Variants in SHROOM3 observed in about 807,000 individuals in gnomAD.
SHROOM3 encodes the protein protein Shroom3.
A neutral mutation model predicts 138.6 loss-of-function variants in SHROOM3; 47 were observed. That is an observed-to-expected ratio of 0.34 (90% CI 0.27 to 0.43). SHROOM3 has a LOEUF of 0.43. SHROOM3 is among the 20% of genes least tolerant of loss of function. SHROOM3 has a pLI of 1.00. For missense variants in SHROOM3, 2,491 were observed against 2,596.5 expected (o/e 0.96, Z 0.88); for synonymous variants, 1,062 against 1,063.3 (o/e 1.00, Z 0.02).
intron 2 of SHROOM3, among the ~76,000 whole-genome samples, chr4:76,702,463 C>G (rs1020953905): frequency 1.3e-5 from 2 of 152,146 alleles, no homozygotes; most frequent in African/African-American, 4.8e-5. Flanking sequence ...TTAATTCATT[C>G]AAGCCTCACA....
Position 76,555,714 on chromosome 4 carries a change from G to A in SHROOM3, c.274G>A (p.Val92Ile). The A allele has an allele frequency of 1.2e-6, 2 of 1,614,058 alleles. No homozygotes were observed. The highest frequency in any genetic ancestry group is 2.2e-5 in the South Asian group (2 of 91,090). Residue 92 changes from valine (V) to isoleucine (I), a missense_variant, in exon 2 of 11, where the codon GTT becomes ATT. Physicochemically the swap from Val to Ile is conservative, Grantham distance 29 (BLOSUM62 3). Coordinates refer to ENST00000296043, the MANE Select transcript of SHROOM3 (RefSeq NM_020859.4). ...TCTGAGCAGCTCCAGAAAGGAGGCA[G>A]TTTCCCTGGTGAAAGGATCCTACAA... Reference protein sequence around the residue: ...VTLSSSRKEAVSLVKGSYKTL... With the variant: ...VTLSSSRKEAISLVKGSYKTL...
intron 2 of SHROOM3, among the ~76,000 whole-genome samples, chr4:76,635,879 T>A (rs548513763): frequency 2.6e-5 from 4 of 152,308 alleles, no homozygotes; most frequent in African/African-American, 9.6e-5. Flanking sequence ...TGCTGTCAGA[T>A]CAATCCTAGG....
At position 76,455,816 on chromosome 4, in the gene SHROOM3, T is replaced by C. The variant is rs115264114; in HGVS notation, c.168+19596T>C. Among the ~76,000 whole-genome samples the C allele has an allele frequency of 3.6e-3, 555 of 152,284 alleles. 2 individuals carry two copies. The highest frequency in any genetic ancestry group is 0.013 in the African/African-American group (538 of 41,562). On this transcript the variant is annotated intron_variant, in intron 1 of 10. Transcript: ENST00000296043. ...GAATAAAAATTGGTTGAGTCTTTTTTGGAAGGCACCAAGTATTAACTCTTG... is the reference window on the plus strand; with the variant it reads ...GAATAAAAATTGGTTGAGTCTTTTTCGGAAGGCACCAAGTATTAACTCTTG...
chr4:76,742,114 A>C, intron 5 of SHROOM3, 188 bp downstream of exon 5: 1 of 750,408 alleles, frequency 1.3e-6, no homozygotes, highest in Non-Finnish European at 2.3e-6. Context: ...CCTTATAAAG[A>C]TATAGGTATC....
chr4:76,467,184 AG>A (rs1731266857), intron 1 of SHROOM3, among the ~76,000 whole-genome samples: 1 of 151,888 alleles, frequency 6.6e-6, no homozygotes, highest in South Asian at 2.1e-4. Flanking sequence ...CTGGGATTTC[AG>A]GTACATGTTA....
At chr4:76,721,615 A>G (rs1720555230) in intron 3 of SHROOM3, among the ~76,000 whole-genome samples, 1 of 152,216 alleles carries the variant, frequency 6.6e-6, no homozygotes, top group African/African-American at 2.4e-5. Flanking sequence ...AGCTCAAGCA[A>G]TTCTACCACC....
intron 1 of SHROOM3, among the ~76,000 whole-genome samples, chr4:76,502,204 C>T (rs906060355): frequency 1.3e-5 from 2 of 152,210 alleles, no homozygotes; most frequent in Non-Finnish European, 2.9e-5. Flanking sequence ...GCAGCCCCTA[C>T]ACCGTGGGCT....
intron 3 of SHROOM3, among the ~76,000 whole-genome samples, chr4:76,721,228 G>A (rs1278770259): frequency 6.6e-6 from 1 of 150,870 alleles, no homozygotes; most frequent in Non-Finnish European, 1.5e-5. Context: ...GGAGAATGGC[G>A]TGAACCCGGG....
intron 1 of SHROOM3, among the ~76,000 whole-genome samples, chr4:76,553,651 C>A (rs556024543): frequency 3.8e-4 from 58 of 152,140 alleles, no homozygotes; most frequent in African/African-American, 1.4e-3. Context: ...CCACCACACC[C>A]GTCTAATTTT....
At chr4:76,463,907 T>C (rs570894806) in intron 1 of SHROOM3, among the ~76,000 whole-genome samples, 1 of 152,262 alleles carries the variant, frequency 6.6e-6, no homozygotes, top group African/African-American at 2.4e-5. Context: ...TGGAAATTCC[T>C]GGATGTCCAG....
intron 1 of SHROOM3, among the ~76,000 whole-genome samples, chr4:76,521,191 G>T (rs1470060148): frequency 6.6e-6 from 1 of 152,084 alleles, no homozygotes; most frequent in African/African-American, 2.4e-5. Flanking sequence ...AAACACTGAC[G>T]TGATTAAATA....
chr4:76,532,834 A>G (rs957880755), intron 1 of SHROOM3, among the ~76,000 whole-genome samples: 3 of 152,034 alleles, frequency 2.0e-5, no homozygotes, highest in Admixed American at 6.6e-5. Context: ...TGAGAGCATC[A>G]CCAATGCTCT....
chr4:76,741,715 G>T lies in SHROOM3; in HGVS notation c.3542G>T (p.Gly1181Val). ...TCCTTCGCCGGTGGCCGCCGCCTCG[G>T]GGAACGGCGACGCGGGGACCTGCTT... The part of the protein sequence containing the change: ...SSSFAGGRRL[G>V]ERRRGDLLSG... Residue 1181 changes from glycine (G) to valine (V), a missense_variant, in exon 5 of 11, where the codon GGG becomes GTG. Transcript: ENST00000296043. This position sits in a 1 kb window ranked among gnomAD's most constrained non-coding sequence, Gnocchi z 6.2. 6.4e-7 allele frequency: 1 copy of T among 1,554,624 alleles called. No homozygotes were observed. The highest frequency in any genetic ancestry group is 8.7e-7 in the Non-Finnish European group (1 of 1,150,136).
intron 2 of SHROOM3, among the ~76,000 whole-genome samples, chr4:76,642,052 C>T (rs944479404): frequency 6.6e-6 from 1 of 152,122 alleles, no homozygotes; most frequent in Non-Finnish European, 1.5e-5. Context: ...GAGACACACA[C>T]TTCATGCCCT....
chr4:76,564,633 C>T (rs554703286), intron 2 of SHROOM3, among the ~76,000 whole-genome samples: 5 of 152,210 alleles, frequency 3.3e-5, no homozygotes, highest in African/African-American at 9.6e-5. Flanking sequence ...CTTTTTCCCC[C>T]GTAGCACATA....
At chr4:76,726,006 G>A (rs553086447) in intron 3 of SHROOM3, among the ~76,000 whole-genome samples, 35 of 152,262 alleles carry the variant, frequency 2.3e-4, no homozygotes, top group African/African-American at 7.2e-4. Flanking sequence ...TTAGAAACAG[G>A]TTTTTGAAGG....
intron 2 of SHROOM3, chr4:76,688,315 C>T: frequency 1.1e-6 from 1 of 887,432 alleles, no homozygotes; most frequent in African/African-American, 1.8e-5. Context: ...TCAGTGGTTG[C>T]CATGGCTGCT....
At chr4:76,498,423 G>A (rs952118778) in intron 1 of SHROOM3, among the ~76,000 whole-genome samples, 5 of 151,996 alleles carry the variant, frequency 3.3e-5, no homozygotes, top group African/African-American at 2.4e-5. Context: ...ATTAACAGAC[G>A]GACAAAATAA....
At chr4:76,599,828 G>A (rs1298793030) in intron 2 of SHROOM3, among the ~76,000 whole-genome samples, 2 of 152,186 alleles carry the variant, frequency 1.3e-5, no homozygotes, top group Non-Finnish European at 2.9e-5. Context: ...AGTGGTGGCT[G>A]TGGAAATGGA....
Sources: gnomAD v4.1 joint callset for allele counts (sites outside exome capture counted in the v4.1 genomes callset) on GRCh38, gnomAD v4.1.1 for gene constraint, Gnocchi (gnomAD v3.1) non-coding constraint, MANE v1.5 for transcripts, NCBI Gene and HGNC (gene_info 2026-07-23, HGNC 2026-07-21) for gene names.